Variants in CACNA2D3 observed in about 807,000 individuals in gnomAD.
The protein encoded by CACNA2D3 is voltage-dependent calcium channel subunit alpha-2/delta-3.
Under a neutral mutation model 160.6 loss-of-function variants are expected in CACNA2D3, and 60 were observed. The ratio of observed to expected loss-of-function variants is 0.37; its 90% CI spans 0.30 to 0.46. The LOEUF (loss-of-function observed/expected upper bound fraction) is 0.46. CACNA2D3 is among the 20% of genes least tolerant of loss of function. The probability of loss-of-function intolerance (pLI) is 1.00; values close to 1 mark genes in which losing one functional copy is unlikely to be tolerated. For synonymous variants in CACNA2D3, 558 were observed against 492.9 expected, an observed-to-expected ratio of 1.13 and a Z score of -1.75; for missense variants, 1,205 against 1,365.0, an observed-to-expected ratio of 0.88 and a Z score of 1.85.
chr3:54,691,622 T>C (rs1337419579), intron 11 of CACNA2D3, among the ~76,000 whole-genome samples: 2 of 152,226 alleles, frequency 1.3e-5, no homozygotes, highest in African/African-American at 4.8e-5. Context: ...TAATACTCTC[T>C]AATTCAAAAT....
chr3:54,999,550 G>A (rs899581106), intron 31 of CACNA2D3, among the ~76,000 whole-genome samples: 10 of 152,046 alleles, frequency 6.6e-5, no homozygotes, highest in African/African-American at 1.9e-4. Context: ...CCTGTTTTTA[G>A]GGCTGTATTT....
intron 11 of CACNA2D3, among the ~76,000 whole-genome samples, chr3:54,719,020 T>TA (rs1296905361): frequency 5.9e-5 from 9 of 152,136 alleles, no homozygotes; most frequent in African/African-American, 1.9e-4. Flanking sequence ...CAAGTTCACT[T>TA]ACTGAAAAGG....
chr3:54,148,153 A>G (rs1009105404), intron 2 of CACNA2D3, among the ~76,000 whole-genome samples: 1 of 152,226 alleles, frequency 6.6e-6, no homozygotes, highest in Non-Finnish European at 1.5e-5. Context: ...GCTCCTTGAC[A>G]TGCCCACGGG....
At chr3:54,159,098 A>G (rs1360819629) in intron 2 of CACNA2D3, among the ~76,000 whole-genome samples, 1 of 152,084 alleles carries the variant, frequency 6.6e-6, no homozygotes, top group East Asian at 1.9e-4. Flanking sequence ...ACCCTCTTTA[A>G]ATTATTCTTG....
chr3:54,931,189 G>C (rs948400520), intron 27 of CACNA2D3, among the ~76,000 whole-genome samples: 8 of 152,164 alleles, frequency 5.3e-5, no homozygotes, highest in Non-Finnish European at 1.2e-4. Flanking sequence ...CCTAAAACAC[G>C]AATGCCCAGG....
chr3:54,225,199 C>T (rs971423090), intron 2 of CACNA2D3, among the ~76,000 whole-genome samples: 3 of 151,800 alleles, frequency 2.0e-5, no homozygotes, highest in South Asian at 2.1e-4. Context: ...TGAGAAGATG[C>T]GGTGTTTGGT....
intron 16 of CACNA2D3, 81 bp downstream of exon 16, chr3:54,838,729 C>G (rs1477571273): frequency 9.4e-7 from 1 of 1,062,786 alleles, no homozygotes; most frequent in East Asian, 2.4e-5. Context: ...GCTTCAAACT[C>G]TACTTTGGAG....
At chr3:54,984,339 AT>A (rs55966810) in intron 29 of CACNA2D3, among the ~76,000 whole-genome samples, 6 of 151,692 alleles carry the variant, frequency 4.0e-5, no homozygotes, top group African/African-American at 1.5e-4. Flanking sequence ...GTAATTCATC[AT>A]TTTTTAATGC....
intron 3 of CACNA2D3, among the ~76,000 whole-genome samples, chr3:54,322,009 C>A (rs1704013710): frequency 6.6e-6 from 1 of 150,654 alleles, no homozygotes; most frequent in African/African-American, 2.4e-5. Flanking sequence ...TTGTGAATCA[C>A]AGAATTTTAG....
At chr3:54,592,441 C>A (rs1227625576) in intron 9 of CACNA2D3, among the ~76,000 whole-genome samples, 1 of 152,072 alleles carries the variant, frequency 6.6e-6, no homozygotes, top group Non-Finnish European at 1.5e-5. Context: ...GTTTTATGTT[C>A]CAAATAACTG....
chr3:54,661,837 GATGTGTGTATGT>G (rs1699976861), intron 11 of CACNA2D3, among the ~76,000 whole-genome samples: 1 of 34,832 alleles, frequency 2.9e-5, no homozygotes, highest in Admixed American at 3.6e-4. Context: ...ACATCTCAGG[GATGTGTGTATGT>G]GTGTGTGTGT....
intron 2 of CACNA2D3, among the ~76,000 whole-genome samples, chr3:54,152,983 G>A (rs1559864521): frequency 6.6e-6 from 1 of 152,194 alleles, no homozygotes; most frequent in Non-Finnish European, 1.5e-5. Context: ...GCTTGGGAGA[G>A]CTTTATCACA....
At chr3:54,442,614 G>A (rs541721523) in intron 4 of CACNA2D3, among the ~76,000 whole-genome samples, 7 of 152,306 alleles carry the variant, frequency 4.6e-5, no homozygotes, top group East Asian at 1.9e-4. Context: ...TGAACGCGCC[G>A]TCAATGGGCT....
At chr3:54,738,884 G>T (rs999507900) in intron 11 of CACNA2D3, among the ~76,000 whole-genome samples, 1 of 152,146 alleles carries the variant, frequency 6.6e-6, no homozygotes, top group Non-Finnish European at 1.5e-5. Flanking sequence ...GGGCATGGTG[G>T]CTTACATGTG....
At chr3:54,777,296 C>T (rs2107122958) in intron 13 of CACNA2D3, among the ~76,000 whole-genome samples, 1 of 152,300 alleles carries the variant, frequency 6.6e-6, no homozygotes, top group South Asian at 2.1e-4. Context: ...ATCACTCTTG[C>T]CTCCCCTGCC....
chr3:54,328,119 G>A (rs13089757), intron 3 of CACNA2D3, among the ~76,000 whole-genome samples: 31,168 of 152,156 alleles, frequency 0.2, 3,474 homozygotes, highest in Middle Eastern at 0.28. Flanking sequence ...AAGGCTTTGG[G>A]TGTATCTTTC....
At chr3:54,626,269 GTGGACC>G (rs1699098678) in intron 9 of CACNA2D3, 1 of 1,359,990 alleles carries the variant, frequency 7.4e-7, no homozygotes, top group Admixed American at 2.0e-5. Context: ...CTACCGTGGC[GTGGACC>G]TGGACCAGCT....
Position 54,509,157 on chromosome 3 carries a change from G to A in CACNA2D3, c.544+5503G>A, listed in dbSNP as rs187845226. Among the ~76,000 whole-genome samples the A allele has an allele frequency of 3.4e-3, 524 of 152,192 alleles. 3 individuals carry two copies. The highest frequency in any genetic ancestry group is 0.012 in the African/African-American group (491 of 41,526). On this transcript the variant is annotated intron_variant, in intron 5 of 37. Transcript: ENST00000474759. ...AATTTAATCCATATGTTTCTGATTCGTTTACACGGAAATCATTAAAATATT... is the reference window on the plus strand; with the variant it reads ...AATTTAATCCATATGTTTCTGATTCATTTACACGGAAATCATTAAAATATT...
intron 11 of CACNA2D3, among the ~76,000 whole-genome samples, chr3:54,645,063 T>A (rs182417377): frequency 6.6e-6 from 1 of 152,232 alleles, no homozygotes; most frequent in Non-Finnish European, 1.5e-5. Context: ...AAGAACTGCC[T>A]GAGAGTGGGT....
Sources: allele counts gnomAD v4.1 joint callset (sites outside exome capture counted in the v4.1 genomes callset), GRCh38; gene constraint gnomAD v4.1.1; transcripts MANE v1.5; gene names NCBI Gene and HGNC (gene_info 2026-07-23, HGNC 2026-07-21).